RCOR1: variants seen among roughly 807,000 people sequenced by gnomAD.
RCOR1 encodes REST corepressor 1.
A neutral mutation model predicts 64.0 loss-of-function variants in RCOR1; 12 were observed. The ratio of observed to expected loss-of-function variants is 0.19; its 90% CI spans 0.12 to 0.30. RCOR1 has a LOEUF of 0.30. Among genes scored for constraint, RCOR1 ranks in the 10% least tolerant of loss-of-function variants. RCOR1 has a pLI of 1.00. For missense variants in RCOR1, 502 were observed against 621.2 expected, an observed-to-expected ratio of 0.81 and a Z score of 2.04; for synonymous variants, 279 against 227.2, an observed-to-expected ratio of 1.23 and a Z score of -2.05.
In RCOR1 at chr14:102,654,056, A is replaced by G. The variant is rs1245970527; in HGVS notation, c.362-27839A>G. On this transcript the variant is annotated intron_variant, in intron 2 of 11. Coordinates refer to ENST00000262241, the MANE Select transcript of RCOR1 (RefSeq NM_015156.4). ...GCCGGAGTGCAGTGGTGCGATCTCC[A>G]CTCACTGCAAGCTCTGCCTCCCGGG... is the stretch of plus-strand genomic sequence containing the variant. 6.8e-5 allele frequency among the ~76,000 whole-genome samples: 9 copies of G among 131,912 alleles called. No individual in the cohort carries two copies. The South Asian group carries it at 2.1e-3, about 31-fold the overall frequency. 86.5% of individuals were successfully genotyped at this position (131,912 alleles called of 152,430 possible).
intron 2 of RCOR1, among the ~76,000 whole-genome samples, chr14:102,651,372 G>A (rs1190068214): frequency 6.6e-6 from 1 of 152,016 alleles, no homozygotes; most frequent in Non-Finnish European, 1.5e-5. Flanking sequence ...GACCAACACA[G>A]TGAAACCCCG....
At chr14:102,659,130 A>G (rs939672584) in intron 2 of RCOR1, 25 of 985,334 alleles carry the variant, frequency 2.5e-5, no homozygotes, top group Middle Eastern at 5.2e-4. Context: ...CCGTTATTCT[A>G]CCGACTTACT....
intron 2 of RCOR1, among the ~76,000 whole-genome samples, chr14:102,623,441 C>T (rs190019170): frequency 1.5e-4 from 23 of 150,758 alleles, no homozygotes; most frequent in Admixed American, 2.0e-4. Context: ...CGGAGTCTCG[C>T]TCTGTCGCCC....
At chr14:102,714,384 T>C (rs762785181) in intron 7 of RCOR1, 39 bp from the exon 8 acceptor site, 6 of 1,407,864 alleles carry the variant, frequency 4.3e-6, no homozygotes, top group Non-Finnish European at 4.8e-6. Flanking sequence ...TCATTTGACT[T>C]TTTTTAAGTT....
chr14:102,599,651 G>A (rs1385139715), intron 2 of RCOR1, among the ~76,000 whole-genome samples: 2 of 152,052 alleles, frequency 1.3e-5, no homozygotes, highest in Non-Finnish European at 2.9e-5. Flanking sequence ...TCAGAAAACT[G>A]TGTTATGTTT....
chr14:102,613,971 C>G lies in RCOR1; in HGVS notation c.361+20646C>G, dbSNP rs1195860495. On this transcript the variant is annotated intron_variant, in intron 2 of 11. Coordinates refer to ENST00000262241, the MANE Select transcript of RCOR1 (RefSeq NM_015156.4). ...GCAGTGGTGCAATGATCTAGGCTCA[C>G]TGCAACCTCTGCCTCCCAGGTTTAA... Among the ~76,000 whole-genome samples, 4 of 139,346 alleles carry G rather than the reference C, an allele frequency of 2.9e-5. No individual in the cohort carries two copies. The East Asian group carries it at 8.7e-4, about 30-fold the overall frequency. The allele number at this position is 139,346 out of a possible 152,430, so 91.4% of individuals were successfully genotyped here.
chr14:102,698,964 G>A (rs1895700399), intron 3 of RCOR1, among the ~76,000 whole-genome samples: 1 of 152,018 alleles, frequency 6.6e-6, no homozygotes, highest in African/African-American at 2.4e-5. Flanking sequence ...TGTCACCAAG[G>A]CTGGAGTTCA....
At chr14:102,686,124 G>A (rs1895412751) in intron 3 of RCOR1, among the ~76,000 whole-genome samples, 1 of 152,020 alleles carries the variant, frequency 6.6e-6, no homozygotes, top group Admixed American at 6.5e-5. Context: ...TTTTAAGAGA[G>A]GATCTTGGCT....
chr14:102,650,993 G>A (rs569249739), intron 2 of RCOR1: 1 of 869,434 alleles, frequency 1.2e-6, no homozygotes, highest in East Asian at 1.2e-4. Flanking sequence ...TAGAATACAG[G>A]TATCTTAATG....
chr14:102,674,000 G>T (rs1895086957), intron 2 of RCOR1, among the ~76,000 whole-genome samples: 1 of 152,184 alleles, frequency 6.6e-6, no homozygotes, highest in African/African-American at 2.4e-5. Flanking sequence ...TGTAGATAGG[G>T]TTCTTCAGAT....
chr14:102,631,856 G>A (rs138052709), intron 2 of RCOR1, among the ~76,000 whole-genome samples: 3 of 151,506 alleles, frequency 2.0e-5, no homozygotes, highest in East Asian at 1.9e-4. Context: ...GTTGGAGTGC[G>A]GTGGCGCGAT....
At chr14:102,680,575 A>G (rs1324022454) in intron 2 of RCOR1, among the ~76,000 whole-genome samples, 1 of 152,202 alleles carries the variant, frequency 6.6e-6, no homozygotes, top group Non-Finnish European at 1.5e-5. Context: ...TGGGAGGCCA[A>G]GGCAGGCAGA....
chr14:102,634,025 A>G (rs1340940066), intron 2 of RCOR1, among the ~76,000 whole-genome samples: 3 of 152,110 alleles, frequency 2.0e-5, no homozygotes, highest in African/African-American at 2.4e-5. Context: ...TTGTGCCTCA[A>G]GGAGGTAGGG....
intron 4 of RCOR1, among the ~76,000 whole-genome samples, chr14:102,703,590 T>G (rs545063164): frequency 2.0e-5 from 3 of 152,338 alleles, no homozygotes; most frequent in Admixed American, 2.0e-4. Flanking sequence ...CAACTAAGAA[T>G]TCTATATCTG....
In RCOR1 at chr14:102,625,069, G is replaced by T. The variant is rs1018766343; in HGVS notation, c.361+31744G>T. On this transcript the variant is annotated intron_variant, in intron 2 of 11. Transcript: ENST00000262241. ...AAAATTATTTTTGTAGAGATAAGGT[G>T]TTACTGTGTTGCCCAGGCTGGTCTG... 5.3e-5 allele frequency among the ~76,000 whole-genome samples: 8 copies of T among 151,924 alleles called. No individual in the cohort carries two copies. The South Asian group carries it at 1.7e-3, about 32-fold the overall frequency.
intron 2 of RCOR1, among the ~76,000 whole-genome samples, chr14:102,620,667 G>T (rs1478809632): frequency 6.6e-6 from 1 of 152,142 alleles, no homozygotes; most frequent in Non-Finnish European, 1.5e-5. Flanking sequence ...GGCTCAGTGA[G>T]CTCTGATTGT....
chr14:102,622,339 T>C (rs999113521), intron 2 of RCOR1, among the ~76,000 whole-genome samples: 6 of 152,130 alleles, frequency 3.9e-5, no homozygotes, highest in African/African-American at 1.4e-4. Context: ...GTGGAAGCCC[T>C]AAAACTTTGG....
At chr14:102,664,789 G>T (rs988544682) in intron 2 of RCOR1, among the ~76,000 whole-genome samples, 2 of 152,106 alleles carry the variant, frequency 1.3e-5, no homozygotes, top group African/African-American at 4.8e-5. Flanking sequence ...AGATACTATG[G>T]TCTGAAAGAT....
intron 2 of RCOR1, among the ~76,000 whole-genome samples, chr14:102,598,356 T>G (rs1405479134): frequency 6.6e-6 from 1 of 152,162 alleles, no homozygotes; most frequent in Non-Finnish European, 1.5e-5. Flanking sequence ...ATATTTCCTA[T>G]GCAGTTCAAA....
Sources: allele counts gnomAD v4.1 joint callset (sites outside exome capture counted in the v4.1 genomes callset), GRCh38; gene constraint gnomAD v4.1.1; transcripts MANE v1.5; gene names NCBI Gene and HGNC (gene_info 2026-07-23, HGNC 2026-07-21).